The following MECOM variants were observed in gnomAD, a reference collection of about 807,000 sequenced individuals.
The protein encoded by MECOM is MDS1 and EVI1 complex locus, also known as histone-lysine N-methyltransferase MECOM.
A neutral mutation model predicts 116.3 loss-of-function variants in MECOM; 13 were observed. The ratio of observed to expected loss-of-function variants is 0.11; its 90% CI spans 0.07 to 0.18. The LOEUF is 0.18. MECOM is among the 10% of genes least tolerant of loss of function. The pLI is 1.00. For missense variants in MECOM, 1,299 were observed against 1,509.0 expected (o/e 0.86, Z 2.31); for synonymous variants, 528 against 535.2 (o/e 0.99, Z 0.19).
At chr3:169,662,803 C>A (rs904849031) in intron 1 of MECOM, among the ~76,000 whole-genome samples, 2 of 152,068 alleles carry the variant, frequency 1.3e-5, no homozygotes, top group East Asian at 3.9e-4. Flanking sequence ...CTGTGGCTCC[C>A]TCTGAGCCGC....
At chr3:169,317,040 C>T (rs1011978586) in intron 2 of MECOM, among the ~76,000 whole-genome samples, 9 of 152,136 alleles carry the variant, frequency 5.9e-5, no homozygotes, top group African/African-American at 9.7e-5. Flanking sequence ...AACTATTTCC[C>T]AGCGTGAGGG....
chr3:169,438,551 T>C (rs1251676215), intron 1 of MECOM, among the ~76,000 whole-genome samples: 2 of 152,156 alleles, frequency 1.3e-5, no homozygotes, highest in Non-Finnish European at 2.9e-5. Context: ...CCATCAGTCA[T>C]TTGTTGAGAG....
intron 2 of MECOM, among the ~76,000 whole-genome samples, chr3:169,157,690 C>G (rs1742196318): frequency 6.6e-6 from 1 of 152,070 alleles, no homozygotes; most frequent in Admixed American, 6.5e-5. Context: ...CTATAGAATC[C>G]AGAATTAAGT....
chr3:169,261,034 A>G (rs938871213), intron 2 of MECOM, among the ~76,000 whole-genome samples: 6 of 152,072 alleles, frequency 3.9e-5, no homozygotes, highest in Admixed American at 2.0e-4. Context: ...TTTTTTTTCT[A>G]AGTAGTTGGT....
Position 169,235,704 on chromosome 3 carries a change from A to C in MECOM, c.376-91872T>G, listed in dbSNP as rs193277958. On this transcript the variant is annotated intron_variant, in intron 2 of 16. Transcript: ENST00000651503. ...CCCTGTTTCTCTGTTACTAGGGCAGAGGAAAAAGTAATTTTCTTCGCACAC... is the reference window on the plus strand; with the variant it reads ...CCCTGTTTCTCTGTTACTAGGGCAGCGGAAAAAGTAATTTTCTTCGCACAC... Among the ~76,000 whole-genome samples, 174 of 152,262 alleles carry C rather than the reference A, an allele frequency of 1.1e-3. 3 individuals carry two copies. The highest frequency in any genetic ancestry group is 4.0e-3 in the African/African-American group (166 of 41,548).
intron 1 of MECOM, among the ~76,000 whole-genome samples, chr3:169,513,644 G>GA (rs1291260375): frequency 1.3e-5 from 2 of 152,154 alleles, no homozygotes; most frequent in African/African-American, 2.4e-5. Flanking sequence ...AAAAATAAAT[G>GA]AAAAAAATGA....
intron 2 of MECOM, among the ~76,000 whole-genome samples, chr3:169,283,056 T>C (rs901821325): frequency 5.1e-4 from 77 of 152,312 alleles, no homozygotes; most frequent in African/African-American, 1.7e-3. Flanking sequence ...AAAGAAGTTA[T>C]ATGAGTTGCT....
chr3:169,206,752 TAAAAAAAAAA>T (rs71634427), intron 2 of MECOM, among the ~76,000 whole-genome samples: 1 of 128,016 alleles, frequency 7.8e-6, no homozygotes. Context: ...GACTTCCTCT[TAAAAAAAAAA>T]AAAAAAAAAT....
At chr3:169,269,947 C>T (rs1399260492) in intron 2 of MECOM, among the ~76,000 whole-genome samples, 3 of 150,364 alleles carry the variant, frequency 2.0e-5, no homozygotes, top group Admixed American at 2.0e-4. Flanking sequence ...AGCTTTCTAA[C>T]AGCTGCATAC....
chr3:169,430,438 CAGTAATTTTTTTCA>C (rs1462350409), intron 1 of MECOM, among the ~76,000 whole-genome samples: 2 of 151,908 alleles, frequency 1.3e-5, no homozygotes, highest in East Asian at 3.8e-4. Context: ...ATTTTTAAGC[CAGTAATTTTTTTCA>C]AGTAATTTTT....
At position 169,635,780 on chromosome 3, in the gene MECOM, G is replaced by A. The variant is rs147961662; in HGVS notation, c.37+27556C>T. Among the ~76,000 whole-genome samples, 149 of 152,278 alleles carry A rather than the reference G, an allele frequency of 9.8e-4. 1 individual carries two copies. The highest frequency in any genetic ancestry group is 3.4e-3 in the African/African-American group (142 of 41,558). ...TAAATAATCTAGAGTATAAAGGGAA[G>A]GATCATTTTCATAATTAATTTATTT... is the stretch of plus-strand genomic sequence containing the variant. On this transcript the variant is annotated intron_variant, in intron 1 of 16. Transcript: ENST00000651503.
intron 1 of MECOM, among the ~76,000 whole-genome samples, chr3:169,478,504 C>A (rs779765642): frequency 1.3e-5 from 2 of 152,118 alleles, no homozygotes; most frequent in Non-Finnish European, 2.9e-5. Flanking sequence ...CAAGCACCCC[C>A]ACAAGTGAGG....
At chr3:169,554,242 G>T (rs1050292999) in intron 1 of MECOM, among the ~76,000 whole-genome samples, 1 of 152,074 alleles carries the variant, frequency 6.6e-6, no homozygotes, top group African/African-American at 2.4e-5. Context: ...AAATAGTGGG[G>T]CAGAACTTAC....
At chr3:169,602,974 C>A (rs1015489708) in intron 1 of MECOM, among the ~76,000 whole-genome samples, 13 of 152,142 alleles carry the variant, frequency 8.5e-5, no homozygotes, top group Non-Finnish European at 1.5e-4. Context: ...CTCATATATG[C>A]ACATAGACAA....
chr3:169,249,332 T>C (rs1318471416), intron 2 of MECOM, among the ~76,000 whole-genome samples: 2 of 152,204 alleles, frequency 1.3e-5, no homozygotes, highest in Non-Finnish European at 2.9e-5. Context: ...AACCTAGTGC[T>C]GCTGATAAAT....
At chr3:169,164,626 A>G (rs74597952) in intron 2 of MECOM, among the ~76,000 whole-genome samples, 1,967 of 152,312 alleles carry the variant, frequency 0.013, 11 homozygotes, top group Non-Finnish European at 0.019. Context: ...AGATTTCCCT[A>G]AAAACACAAA....
chr3:169,526,714 T>C (rs1426543906), intron 1 of MECOM, among the ~76,000 whole-genome samples: 6 of 152,234 alleles, frequency 3.9e-5, no homozygotes, highest in African/African-American at 1.4e-4. Context: ...CTTTTCAATG[T>C]TTAAACTTGT....
intron 14 of MECOM, among the ~76,000 whole-genome samples, chr3:169,092,492 A>AAG (rs1720054801): frequency 6.6e-6 from 1 of 151,996 alleles, no homozygotes; most frequent in Admixed American, 6.6e-5. Flanking sequence ...TATTACCTGT[A>AAG]ATATATATAA....
intron 2 of MECOM, among the ~76,000 whole-genome samples, chr3:169,298,864 T>C (rs1716138104): frequency 5.3e-5 from 8 of 152,168 alleles, no homozygotes; most frequent in Admixed American, 5.2e-4. Context: ...TAATGTCCTT[T>C]GGGTCCTGCC....
Sources: gnomAD v4.1 joint callset for allele counts (sites outside exome capture counted in the v4.1 genomes callset) on GRCh38, gnomAD v4.1.1 for gene constraint, MANE v1.5 for transcripts, NCBI Gene and HGNC (gene_info 2026-07-23, HGNC 2026-07-21) for gene names.